The following ADGRL3 variants were observed in gnomAD, a reference collection of about 807,000 sequenced individuals.
The protein encoded by ADGRL3 is adhesion G protein-coupled receptor L3.
ADGRL3 carries 62 observed loss-of-function variants against 153.5 expected under a neutral mutation model. The ratio of observed to expected loss-of-function variants is 0.40; its 90% CI spans 0.33 to 0.50. The LOEUF is 0.50. ADGRL3 is among the 20% of genes least tolerant of loss of function. The probability of loss-of-function intolerance (pLI) is 0.47; values close to 1 mark genes in which losing one functional copy is unlikely to be tolerated. For missense variants in ADGRL3, 1,641 were observed against 1,859.4 expected, an observed-to-expected ratio of 0.88 and a Z score of 2.16; for synonymous variants, 710 against 672.5, an observed-to-expected ratio of 1.06 and a Z score of -0.86.
intron 2 of ADGRL3, among the ~76,000 whole-genome samples, chr4:61,469,850 C>A (rs908617135): frequency 6.6e-6 from 1 of 151,616 alleles, no homozygotes; most frequent in Non-Finnish European, 1.5e-5. Context: ...AAACTCTATA[C>A]GCATATGAAG....
intron 6 of ADGRL3, among the ~76,000 whole-genome samples, chr4:61,688,679 A>C (rs1358262509): frequency 6.6e-6 from 1 of 152,146 alleles, no homozygotes; most frequent in African/African-American, 2.4e-5. Context: ...CACCTAATTT[A>C]TCCTAGGATT....
At chr4:61,815,648 A>G (rs2097679923) in intron 9 of ADGRL3, among the ~76,000 whole-genome samples, 2 of 152,256 alleles carry the variant, frequency 1.3e-5, no homozygotes. Flanking sequence ...GCCAAAATTC[A>G]TATTGAAACT....
chr4:61,660,804 CTG>C (rs1388221255), intron 5 of ADGRL3, among the ~76,000 whole-genome samples: 1 of 152,052 alleles, frequency 6.6e-6, no homozygotes, highest in Non-Finnish European at 1.5e-5. Context: ...AAAAATGAAA[CTG>C]TGTGGTTTGG....
chr4:61,681,278 G>A (rs1367521113), intron 6 of ADGRL3, among the ~76,000 whole-genome samples: 1 of 152,024 alleles, frequency 6.6e-6, no homozygotes, highest in Non-Finnish European at 1.5e-5. Context: ...TCTTTACTTT[G>A]TATCCTGCTG....
chr4:61,524,286 T>C (rs1002113642), intron 4 of ADGRL3, among the ~76,000 whole-genome samples: 1 of 152,108 alleles, frequency 6.6e-6, no homozygotes, highest in African/African-American at 2.4e-5. Context: ...CATCAAACTT[T>C]CGTAGACTGC....
chr4:61,818,513 G>A (rs1307781875), intron 9 of ADGRL3, among the ~76,000 whole-genome samples: 1 of 152,180 alleles, frequency 6.6e-6, no homozygotes, highest in African/African-American at 2.4e-5. Context: ...AACACAAACA[G>A]GGCTGAAGGG....
At chr4:61,741,466 T>A (rs1017167343) in intron 8 of ADGRL3, among the ~76,000 whole-genome samples, 9 of 152,240 alleles carry the variant, frequency 5.9e-5, no homozygotes, top group Non-Finnish European at 1.2e-4. Context: ...CCCCTTCTTT[T>A]TCTTTCCAGT....
At chr4:61,683,826 T>C (rs1325433546) in intron 6 of ADGRL3, among the ~76,000 whole-genome samples, 3 of 152,102 alleles carry the variant, frequency 2.0e-5, no homozygotes, top group African/African-American at 7.2e-5. Context: ...CTCCTGCTGC[T>C]CTCACTTTGA....
At chr4:61,960,036 A>G (rs563584507) in intron 17 of ADGRL3, among the ~76,000 whole-genome samples, 3 of 152,326 alleles carry the variant, frequency 2.0e-5, no homozygotes, top group Admixed American at 2.0e-4. Flanking sequence ...AAATATAGAA[A>G]ATTTCTTGAA....
intron 4 of ADGRL3, among the ~76,000 whole-genome samples, chr4:61,528,271 T>G (rs1274184389): frequency 1.3e-5 from 2 of 152,148 alleles, no homozygotes; most frequent in African/African-American, 4.8e-5. Flanking sequence ...TATTCTTCTC[T>G]CTTTTCTCTG....
chr4:61,505,021 G>A (rs896004435), intron 3 of ADGRL3, among the ~76,000 whole-genome samples: 1 of 152,004 alleles, frequency 6.6e-6, no homozygotes, highest in Non-Finnish European at 1.5e-5. Context: ...AGTCTTTTGA[G>A]GGACCTTCAT....
At chr4:61,531,883 T>C (rs1175748065) in intron 4 of ADGRL3, among the ~76,000 whole-genome samples, 1 of 152,188 alleles carries the variant, frequency 6.6e-6, no homozygotes, top group East Asian at 1.9e-4. Context: ...TATGGAAATA[T>C]TATTTTCACC....
intron 1 of ADGRL3, among the ~76,000 whole-genome samples, chr4:61,251,893 T>TA (rs1456119428): frequency 4.6e-5 from 7 of 151,524 alleles, no homozygotes; most frequent in African/African-American, 7.3e-5. Flanking sequence ...TTTTTATTTT[T>TA]TTTTTTAGAG....
At chr4:62,064,905 G>A (rs1287542936) in intron 25 of ADGRL3, among the ~76,000 whole-genome samples, 3 of 151,938 alleles carry the variant, frequency 2.0e-5, no homozygotes, top group South Asian at 2.1e-4. Flanking sequence ...TAGGCAAGTC[G>A]TTTGTCAATA....
rs138539632 is a variant in ADGRL3, at chr4:61,651,630, A to T, written c.474-25196A>T. 6.0e-4 allele frequency among the ~76,000 whole-genome samples: 91 copies of T among 151,486 alleles called. 3 individuals carry two copies. The East Asian group carries it at 0.017, about 29-fold the overall frequency. On this transcript the variant is annotated intron_variant, in intron 5 of 26. Coordinates refer to ENST00000683033, the MANE Select transcript of ADGRL3 (RefSeq NM_001387552.1). ...GTTTTTGTTTCTGTTTTTTTTTGAG[A>T]CGGAGTTTCGCTCTGTCACCAGGCT...
At chr4:61,439,594 T>C (rs990227036) in intron 2 of ADGRL3, among the ~76,000 whole-genome samples, 3 of 152,162 alleles carry the variant, frequency 2.0e-5, no homozygotes, top group Admixed American at 2.0e-4. Context: ...CCTAATGTTA[T>C]CCCTCCCCTA....
chr4:61,639,339 G>A (rs1405138572), intron 5 of ADGRL3, among the ~76,000 whole-genome samples: 2 of 151,926 alleles, frequency 1.3e-5, no homozygotes, highest in Non-Finnish European at 2.9e-5. Context: ...GATGTTTAAT[G>A]TAGTATATGA....
At chr4:61,432,825 G>A (rs1374044805) in intron 2 of ADGRL3, among the ~76,000 whole-genome samples, 1 of 150,888 alleles carries the variant, frequency 6.6e-6, no homozygotes, top group African/African-American at 2.4e-5. Flanking sequence ...GGCTAATTTT[G>A]TATTTTTAGT....
chr4:61,900,262 G>T (rs2098656946), intron 11 of ADGRL3, among the ~76,000 whole-genome samples: 1 of 152,068 alleles, frequency 6.6e-6, no homozygotes, highest in Non-Finnish European at 1.5e-5. Context: ...GTTCAAAAAA[G>T]AAATTTTACA....
Sources: gnomAD v4.1 joint callset for allele counts (sites outside exome capture counted in the v4.1 genomes callset) on GRCh38, gnomAD v4.1.1 for gene constraint, MANE v1.5 for transcripts, NCBI Gene and HGNC (gene_info 2026-07-23, HGNC 2026-07-21) for gene names.